The following LIN52 variants were observed in gnomAD, a reference collection of about 807,000 sequenced individuals.
The protein encoded by LIN52 is protein lin-52 homolog.
Under a neutral mutation model 18.5 loss-of-function variants are expected in LIN52, and 4 were observed. The ratio of observed to expected loss-of-function variants is 0.22; its 90% CI spans 0.11 to 0.49. LIN52 has a LOEUF of 0.49. LIN52 is among the 20% of genes least tolerant of loss of function. The pLI is 0.97. For missense variants in LIN52, 102 were observed against 139.5 expected (o/e 0.73, Z 1.35); for synonymous variants, 34 against 45.5 (o/e 0.75, Z 1.02).
chr14:74,186,181 C>G (rs779351990), intron 5 of LIN52, among the ~76,000 whole-genome samples: 2 of 151,640 alleles, frequency 1.3e-5, no homozygotes, highest in Non-Finnish European at 2.9e-5. Context: ...ATCCCAGCTA[C>G]TTGGGAAGGC....
chr14:74,137,435 T>C (rs2061103808), intron 5 of LIN52, among the ~76,000 whole-genome samples: 1 of 151,616 alleles, frequency 6.6e-6, no homozygotes, highest in Admixed American at 6.6e-5. Flanking sequence ...AGTTCTGGCA[T>C]TGTAAATGCC....
At chr14:74,144,441 A>G (rs1247337540) in intron 5 of LIN52, among the ~76,000 whole-genome samples, 1 of 152,094 alleles carries the variant, frequency 6.6e-6, no homozygotes, top group African/African-American at 2.4e-5. Flanking sequence ...ATTATTTTTA[A>G]ACCATCACAT....
intron 5 of LIN52, among the ~76,000 whole-genome samples, chr14:74,144,346 C>G (rs535847762): frequency 4.0e-5 from 6 of 151,782 alleles, no homozygotes; most frequent in African/African-American, 1.5e-4. Context: ...AGGCTGGTCT[C>G]GAACTCCTGG....
intron 5 of LIN52, among the ~76,000 whole-genome samples, chr14:74,172,140 C>T (rs2061274515): frequency 6.6e-6 from 1 of 152,164 alleles, no homozygotes; most frequent in Non-Finnish European, 1.5e-5. Context: ...AAGGCTTTGA[C>T]CATTTCCCTA....
chr14:74,099,983 A>T (rs761521621), intron 4 of LIN52, among the ~76,000 whole-genome samples: 1 of 152,250 alleles, frequency 6.6e-6, no homozygotes, highest in African/African-American at 2.4e-5. Flanking sequence ...CTCCAACAGT[A>T]TGCTGTCTTT....
rs1158467772 is a variant in LIN52 at position 74,095,158 on chromosome 14, T to G, written c.95-790T>G. ...CCATGCCCAACTAACTGTTTTTTTT[T>G]TTTTTTTTTTTGAGACAGGGTCTTC... On this transcript the variant is annotated intron_variant, in intron 2 of 5. Coordinates refer to ENST00000555028, the MANE Select transcript of LIN52 (RefSeq NM_001024674.3). Among the ~76,000 whole-genome samples the G allele has an allele frequency of 2.0e-5, 3 of 148,998 alleles. No individual in the cohort carries two copies. In the East Asian group the frequency reaches 5.9e-4, roughly 29 times the overall value.
At chr14:74,176,122 G>A (rs2061293181) in intron 5 of LIN52, among the ~76,000 whole-genome samples, 1 of 152,164 alleles carries the variant, frequency 6.6e-6, no homozygotes, top group African/African-American at 2.4e-5. Context: ...TGTGATAACA[G>A]TGCCTTCTAG....
At chr14:74,169,082 A>AG (rs902930481) in intron 5 of LIN52, among the ~76,000 whole-genome samples, 8 of 152,188 alleles carry the variant, frequency 5.3e-5, no homozygotes, top group Non-Finnish European at 8.8e-5. Context: ...CCGGAGAGAA[A>AG]GGAATGTTAA....
intron 5 of LIN52, among the ~76,000 whole-genome samples, chr14:74,127,025 T>C (rs60221281): frequency 0.016 from 2,480 of 152,320 alleles, 67 homozygotes; most frequent in African/African-American, 0.057. Flanking sequence ...AAAAATGAAG[T>C]TGTTGGAATA....
rs1034713415 is a variant in LIN52, at chr14:74,101,213, A to C, written c.258A>C (p.Leu86=). Residue 86 remains leucine, a synonymous_variant, in exon 5 of 6, where the codon CTA becomes CTC. Transcript: ENST00000555028. The stretch of plus-strand genomic sequence containing the variant: ...AGAAGGTTCGAGGCCTACAGAACCT[A>C]GCCTATCAGCTGGGGCTGGATGAGT... ...LMEKVRGLQN[L]AYQLGLDESR... The C allele has an allele frequency of 6.2e-7, 1 of 1,610,660 alleles. No individual in the cohort carries two copies. The highest frequency in any genetic ancestry group is 8.5e-7 in the Non-Finnish European group (1 of 1,178,868).
intron 5 of LIN52, among the ~76,000 whole-genome samples, chr14:74,110,915 G>A (rs2060922704): frequency 6.6e-6 from 1 of 150,776 alleles, no homozygotes; most frequent in Non-Finnish European, 1.5e-5. Context: ...GCAGTGAGCC[G>A]AGATCGCGCC....
At chr14:74,152,846 G>T (rs1285322857) in intron 5 of LIN52, among the ~76,000 whole-genome samples, 1 of 151,406 alleles carries the variant, frequency 6.6e-6, no homozygotes, top group Admixed American at 6.6e-5. Context: ...TGTAATCCCA[G>T]CTACTCAGGT....
chr14:74,150,401 A>G (rs1026233166), intron 5 of LIN52, among the ~76,000 whole-genome samples: 2 of 152,256 alleles, frequency 1.3e-5, no homozygotes, highest in Admixed American at 6.5e-5. Flanking sequence ...AAGAATATAT[A>G]TAACATTGAA....
intron 5 of LIN52, among the ~76,000 whole-genome samples, chr14:74,167,843 T>C (rs1210980394): frequency 2.0e-5 from 3 of 152,194 alleles, no homozygotes; most frequent in Non-Finnish European, 4.4e-5. Flanking sequence ...GCTTCCTTTC[T>C]TTTACTTACA....
Position 74,144,696 on chromosome 14 carries a change from G to GT in LIN52, c.283+43459dup, listed in dbSNP as rs567923844. Among the ~76,000 whole-genome samples the GT allele has an allele frequency of 2.1e-3, 324 of 152,268 alleles. 5 individuals carry two copies. Among genetic ancestry groups the GT allele is most frequent in the Non-Finnish European group, 2.5e-3 (170 of 68,020 alleles). On this transcript the variant is annotated intron_variant, in intron 5 of 5. Coordinates refer to ENST00000555028, the MANE Select transcript of LIN52 (RefSeq NM_001024674.3). ...ATTTCCAAGTTTGTGATAACTCATA[G>GT]TGTATCATTTTTCCTCTAAAATGTG...
At chr14:74,168,239 T>G (rs966776016) in intron 5 of LIN52, among the ~76,000 whole-genome samples, 3 of 152,256 alleles carry the variant, frequency 2.0e-5, no homozygotes, top group Non-Finnish European at 4.4e-5. Flanking sequence ...GTGTCCATCT[T>G]GAATTGCACC....
chr14:74,168,854 A>G (rs954077979), intron 5 of LIN52, among the ~76,000 whole-genome samples: 1 of 152,056 alleles, frequency 6.6e-6, no homozygotes, highest in African/African-American at 2.4e-5. Context: ...ACTTGAGGTC[A>G]GGAGTTTGAG....
chr14:74,099,043 T>C (rs1034554679), intron 4 of LIN52, among the ~76,000 whole-genome samples: 1 of 152,216 alleles, frequency 6.6e-6, no homozygotes, highest in Admixed American at 6.5e-5. Flanking sequence ...TGATAAATGA[T>C]TTGAAACTCA....
At chr14:74,156,299 G>T (rs1365242888) in intron 5 of LIN52, among the ~76,000 whole-genome samples, 1 of 152,042 alleles carries the variant, frequency 6.6e-6, no homozygotes, top group Non-Finnish European at 1.5e-5. Flanking sequence ...CGAATGCCCA[G>T]TATTGTTTTT....
Sources: allele counts gnomAD v4.1 joint callset (sites outside exome capture counted in the v4.1 genomes callset), GRCh38; gene constraint gnomAD v4.1.1; transcripts MANE v1.5; gene names NCBI Gene and HGNC (gene_info 2026-07-23, HGNC 2026-07-21).